Variants in NNT observed in about 807,000 individuals in gnomAD.
NNT encodes nicotinamide nucleotide transhydrogenase, also known as NAD(P) transhydrogenase, mitochondrial.
Under a neutral mutation model 104.8 loss-of-function variants are expected in NNT, and 50 were observed. The ratio of observed to expected loss-of-function variants is 0.48; its 90% CI spans 0.38 to 0.60. The LOEUF (loss-of-function observed/expected upper bound fraction) is 0.60, where lower values mean the gene tolerates loss of function less well. Ranked by LOEUF, NNT falls within the 20% of genes least tolerant of loss-of-function variation. The pLI is 0.00. For missense variants in NNT, 1,131 were observed against 1,330.7 expected, an observed-to-expected ratio of 0.85 and a Z score of 2.33; for synonymous variants, 461 against 490.4, an observed-to-expected ratio of 0.94 and a Z score of 0.79.
In NNT at chr5:43,706,080, T is replaced by G. The variant is rs1339044076; in HGVS notation, c.*1676T>G. ...TATTTATTTTTGTCATAGTAAAAAT[T>G]TTAATTTATATATATTTTTATTTAG... On this transcript the variant is annotated 3_prime_UTR_variant, in exon 22 of 22. Transcript: ENST00000344920. 6.6e-6 allele frequency: 1 copy of G among 151,532 alleles called. No homozygotes were observed. 9.4% of individuals were successfully genotyped at this position (151,532 alleles called of 1,614,324 possible).
chr5:43,645,360 G>A lies in NNT; in HGVS notation c.1294G>A (p.Gly432Ser). ...VIRGTVVMKD[G>S]KVIFPAPTPK... ...ACTATTTTTTAATGTCTATTAGGAT[G>A]GTAAAGTGATTTTCCCAGCTCCCAC... Residue 432 changes from glycine to serine, a missense_variant, in exon 10 of 22, where the codon GGT becomes AGT. By Grantham distance (56) the Gly-to-Ser change is moderately conservative (BLOSUM62 0). Transcript: ENST00000344920. The A allele has an allele frequency of 6.5e-7, 1 of 1,533,534 alleles. No individual in the cohort carries two copies. Among genetic ancestry groups the A allele is most frequent in the Non-Finnish European group, 8.8e-7 (1 of 1,138,204 alleles). The allele number at this position is 1,533,534 out of a possible 1,614,324, so 95.0% of individuals were successfully genotyped here.
intron 14 of NNT, among the ~76,000 whole-genome samples, chr5:43,654,273 A>C (rs1013414661): frequency 1.3e-5 from 2 of 152,218 alleles, no homozygotes; most frequent in East Asian, 3.8e-4. Flanking sequence ...GAAATAAGCA[A>C]ACGCTACAAA....
At chr5:43,677,598 A>T in intron 18 of NNT, 127 bp from the exon 19 acceptor site, 1 of 781,186 alleles carries the variant, frequency 1.3e-6, no homozygotes, top group South Asian at 1.6e-5. Context: ...ATTTGCTTTC[A>T]TTTCTAGTCC....
At chr5:43,677,827 G>A in intron 19 of NNT, 21 bp downstream of exon 19, 1 of 1,574,604 alleles carries the variant, frequency 6.4e-7, no homozygotes, top group Non-Finnish European at 8.7e-7. Context: ...GCAGTGGAGA[G>A]GCTTGCACTA....
chr5:43,691,356 G>A (rs541029775), intron 19 of NNT, among the ~76,000 whole-genome samples: 7 of 152,228 alleles, frequency 4.6e-5, no homozygotes, highest in East Asian at 1.9e-4. Context: ...CGCCCATCTC[G>A]GCCTCTTAAA....
At chr5:43,694,070 T>C (rs1002888315) in intron 19 of NNT, among the ~76,000 whole-genome samples, 3 of 152,214 alleles carry the variant, frequency 2.0e-5, no homozygotes, top group Non-Finnish European at 4.4e-5. Flanking sequence ...GTTCCTGATT[T>C]GGCTAGAGTT....
intron 11 of NNT, among the ~76,000 whole-genome samples, chr5:43,650,161 G>A (rs1739679598): frequency 6.6e-6 from 1 of 152,072 alleles, no homozygotes; most frequent in East Asian, 1.9e-4. Context: ...AACACTGGTG[G>A]ATTTATATCT....
At chr5:43,691,070 A>AGAGT (rs1245517310) in intron 19 of NNT, among the ~76,000 whole-genome samples, 1,874 of 137,486 alleles carry the variant, frequency 0.014, 14 homozygotes, top group Middle Eastern at 0.04. Flanking sequence ...TTTTTGAGAG[A>AGAGT]GTGTGTGTGT....
chr5:43,655,932 T>A lies in NNT; in HGVS notation c.2152T>A (p.Cys718Ser). Residue 718 changes from cysteine to serine, a missense_variant, in exon 15 of 22, where the codon TGC becomes AGC. Cys to Ser is a moderately radical substitution (Grantham distance 112, BLOSUM62 -1). Coordinates refer to ENST00000344920, the MANE Select transcript of NNT (RefSeq NM_182977.3). The stretch of plus-strand genomic sequence containing the variant: ...AGTGGGTTTGGCAGCTGTACTTACT[T>A]GCATAGCTGAGTACATTATAGAATA... The part of the protein sequence containing the change: ...SLVGLAAVLT[C>S]IAEYIIEYPH... The A allele has an allele frequency of 6.2e-7, 1 of 1,614,206 alleles. No homozygotes were observed. Among genetic ancestry groups the A allele is most frequent in the South Asian group, 1.1e-5 (1 of 91,088 alleles).
At chr5:43,703,359 G>A (rs1362420030) in intron 21 of NNT, among the ~76,000 whole-genome samples, 1 of 152,080 alleles carries the variant, frequency 6.6e-6, no homozygotes, top group East Asian at 1.9e-4. Flanking sequence ...ATAACATAAT[G>A]TACATTTCCA....
intron 21 of NNT, among the ~76,000 whole-genome samples, chr5:43,703,341 A>G (rs1742955597): frequency 6.6e-6 from 1 of 152,198 alleles, no homozygotes; most frequent in African/African-American, 2.4e-5. Flanking sequence ...CTCTGCATTT[A>G]AAAAATCATA....
rs144740149 is a variant in NNT at position 43,638,524 on chromosome 5, A to G, written c.965-5668A>G. On this transcript the variant is annotated intron_variant, in intron 7 of 21. Coordinates refer to ENST00000344920, the MANE Select transcript of NNT (RefSeq NM_182977.3). ...TTAGTCAATATAGAGACTACATTAC[A>G]TTAAAAACTGTCCTTGTCTGCCTAG... Among the ~76,000 whole-genome samples, 607 of 152,288 alleles carry G rather than the reference A, an allele frequency of 4.0e-3. 3 individuals are homozygous for G. The highest frequency in any genetic ancestry group is 4.5e-3 in the Non-Finnish European group (308 of 68,008).
intron 6 of NNT, among the ~76,000 whole-genome samples, chr5:43,624,523 C>G (rs1290112995): frequency 6.6e-6 from 1 of 152,232 alleles, no homozygotes; most frequent in African/African-American, 2.4e-5. Context: ...ATAAAGCTGA[C>G]TGGCACTTCA....
In NNT at chr5:43,655,955, A is replaced by G. The variant is rs1740021309; in HGVS notation, c.2175A>G (p.Glu725=). Residue 725 remains glutamate (E), a synonymous_variant, in exon 15 of 22, where the codon GAA becomes GAG. Transcript: ENST00000344920. ...VLTCIAEYII[E]YPHFATDAAA... ...CTTGCATAGCTGAGTACATTATAGA[A>G]TATCCACATTTTGCTACGGATGCAG... is the stretch of plus-strand genomic sequence containing the variant. The G allele has an allele frequency of 6.2e-7, 1 of 1,614,086 alleles. No individual in the cohort carries two copies. Among genetic ancestry groups the G allele is most frequent in the South Asian group, 1.1e-5 (1 of 91,090 alleles).
intron 11 of NNT, among the ~76,000 whole-genome samples, chr5:43,650,026 T>C (rs1377255630): frequency 1.3e-5 from 2 of 152,212 alleles, no homozygotes; most frequent in African/African-American, 4.8e-5. Flanking sequence ...CAAGAGGTGC[T>C]GTAGTCAGGA....
chr5:43,703,649 C>T (rs1033129370), intron 21 of NNT, among the ~76,000 whole-genome samples: 5 of 152,140 alleles, frequency 3.3e-5, no homozygotes, highest in African/African-American at 9.7e-5. Context: ...CAGCAACATC[C>T]ATAACACATG....
intron 16 of NNT, among the ~76,000 whole-genome samples, chr5:43,658,560 GT>G (rs937210084): frequency 5.3e-5 from 8 of 152,190 alleles, no homozygotes; most frequent in African/African-American, 1.7e-4. Context: ...ATGGTGGGTG[GT>G]GGGGGGCAGC....
At chr5:43,664,874 C>T (rs1194746241) in intron 17 of NNT, among the ~76,000 whole-genome samples, 1 of 152,110 alleles carries the variant, frequency 6.6e-6, no homozygotes, top group East Asian at 1.9e-4. Flanking sequence ...ATTGTTATAG[C>T]TTAATGGTGA....
rs771659537 is a variant in NNT, at chr5:43,615,919, G to C, written c.453G>C (p.Leu151=). Residue 151 remains leucine, a synonymous_variant, in exon 4 of 22, where the codon CTG becomes CTC. Coordinates refer to ENST00000344920, the MANE Select transcript of NNT (RefSeq NM_182977.3). ...EADLLKTSGT[L]ISFIYPAQNP... ...ACCTTTTAAAGACATCAGGAACGCT[G>C]ATTAGTTTTATTTACCCAGCCCAAA... 6.2e-7 allele frequency: 1 copy of C among 1,614,152 alleles called. No individual in the cohort carries two copies. Among genetic ancestry groups the C allele is most frequent in the South Asian group, 1.1e-5 (1 of 91,072 alleles).
Sources: allele counts gnomAD v4.1 joint callset (sites outside exome capture counted in the v4.1 genomes callset), GRCh38; gene constraint gnomAD v4.1.1; transcripts MANE v1.5; gene names NCBI Gene and HGNC (gene_info 2026-07-23, HGNC 2026-07-21).